The following MYO3B variants were observed in gnomAD, a reference collection of about 807,000 sequenced individuals.
MYO3B encodes myosin IIIB.
MYO3B carries 156 observed loss-of-function variants against 174.6 expected under a neutral mutation model. The ratio of observed to expected loss-of-function variants is 0.89; its 90% CI spans 0.78 to 1.02. The LOEUF (loss-of-function observed/expected upper bound fraction) is 1.02, where lower values mean the gene tolerates loss of function less well. Ranked by LOEUF, MYO3B falls within the 50% of genes least tolerant of loss-of-function variation. The pLI, the probability that MYO3B is intolerant of heterozygous loss-of-function variation, is 0.00. For missense variants in MYO3B, 1,632 were observed against 1,639.4 expected (o/e 1.00, Z 0.08); for synonymous variants, 563 against 569.1 (o/e 0.99, Z 0.15).
At chr2:170,248,351 T>A (rs1428816363) in intron 7 of MYO3B, among the ~76,000 whole-genome samples, 2 of 152,238 alleles carry the variant, frequency 1.3e-5, no homozygotes, top group African/African-American at 4.8e-5. Context: ...GTGGTTCTGA[T>A]GTCTTCAGGC....
chr2:170,585,427 GA>G (rs1034175858), intron 32 of MYO3B, among the ~76,000 whole-genome samples: 2 of 150,792 alleles, frequency 1.3e-5, no homozygotes, highest in East Asian at 3.9e-4. Flanking sequence ...GCTTCAGACA[GA>G]AAAAAAAAGC....
intron 8 of MYO3B, among the ~76,000 whole-genome samples, chr2:170,360,870 A>G (rs2094155506): frequency 6.6e-6 from 1 of 152,194 alleles, no homozygotes; most frequent in Non-Finnish European, 1.5e-5. Flanking sequence ...TCACCAGACA[A>G]CTGAACCTGC....
At chr2:170,420,523 C>T (rs2094607746) in intron 22 of MYO3B, among the ~76,000 whole-genome samples, 2 of 152,166 alleles carry the variant, frequency 1.3e-5, no homozygotes, top group South Asian at 2.1e-4. Flanking sequence ...CTTCCAGCAC[C>T]AGCCTGGAGT....
chr2:170,594,858 C>A (rs1694045524), intron 32 of MYO3B, among the ~76,000 whole-genome samples: 1 of 149,756 alleles, frequency 6.7e-6, no homozygotes. Context: ...CACACACACA[C>A]TTGTTGCTAT....
chr2:170,237,423 G>A (rs1367434789), intron 7 of MYO3B, among the ~76,000 whole-genome samples: 1 of 151,702 alleles, frequency 6.6e-6, no homozygotes, highest in Admixed American at 6.6e-5. Flanking sequence ...CTTTTGATAA[G>A]AGATCATCTA....
chr2:170,583,101 C>T (rs1286646474), intron 32 of MYO3B, among the ~76,000 whole-genome samples: 1 of 151,448 alleles, frequency 6.6e-6, no homozygotes, highest in African/African-American at 2.4e-5. Context: ...CCTCCACCCC[C>T]TCCCCCTTGA....
At chr2:170,190,840 C>T (rs942931215) in intron 1 of MYO3B, among the ~76,000 whole-genome samples, 7 of 152,010 alleles carry the variant, frequency 4.6e-5, no homozygotes, top group African/African-American at 1.7e-4. Context: ...TGGTGCTCTA[C>T]CCTACTGTGG....
rs1255020146 is a variant in MYO3B at position 170,402,703 on chromosome 2, C to T, written c.2130-145C>T. Reference sequence around the variant, plus strand: ...AAATAGTTTGAGACATAAACTGCTTCTTTTCTTAGGGGTGGCAGGATGCTG... The same window carrying T: ...AAATAGTTTGAGACATAAACTGCTTTTTTTCTTAGGGGTGGCAGGATGCTG... On this transcript the variant is annotated intron_variant, in intron 18 of 34. Transcript: ENST00000408978. 3 of 570,966 alleles carry T rather than the reference C, an allele frequency of 5.3e-6. No individual in the cohort carries two copies. In the South Asian group the frequency reaches 1.8e-4, roughly 35 times the overall value. The allele number at this position is 570,966 out of a possible 1,614,324, so 35.4% of individuals were successfully genotyped here.
intron 32 of MYO3B, among the ~76,000 whole-genome samples, chr2:170,614,221 T>C (rs182324695): frequency 6.6e-6 from 1 of 152,274 alleles, no homozygotes; most frequent in East Asian, 1.9e-4. Context: ...TGATTTATTT[T>C]TTTCTGCAAA....
intron 6 of MYO3B, among the ~76,000 whole-genome samples, chr2:170,227,740 G>GA (rs1398596810): frequency 5.3e-5 from 8 of 152,190 alleles, no homozygotes; most frequent in Admixed American, 5.2e-4. Flanking sequence ...GTCCAAGTGG[G>GA]AACTTTCAGA....
rs989906612 is a variant in MYO3B at position 170,634,135 on chromosome 2, A to G, written c.3734-17493A>G. Among the ~76,000 whole-genome samples, 6 of 152,304 alleles carry G rather than the reference A, an allele frequency of 3.9e-5. 1 individual carries two copies. In the South Asian group the frequency reaches 1.2e-3, roughly 32 times the overall value. On this transcript the variant is annotated intron_variant, in intron 32 of 34. Coordinates refer to ENST00000408978, the MANE Select transcript of MYO3B (RefSeq NM_138995.5). ...AAAACTACTTTAAAGTTCATATGGA[A>G]ACAAAAAAGAGCCCACATTGCCAAG...
At chr2:170,226,269 T>C (rs1053968170) in intron 6 of MYO3B, among the ~76,000 whole-genome samples, 63 of 152,234 alleles carry the variant, frequency 4.1e-4, no homozygotes, top group African/African-American at 1.3e-3. Flanking sequence ...CTTCAGATCA[T>C]TGGCTGAAAG....
At chr2:170,537,316 T>G (rs1434382155) in intron 30 of MYO3B, among the ~76,000 whole-genome samples, 1 of 151,458 alleles carries the variant, frequency 6.6e-6, no homozygotes, top group Non-Finnish European at 1.5e-5. Context: ...ACCACTGTAC[T>G]CCATCCTGGG....
intron 26 of MYO3B, among the ~76,000 whole-genome samples, chr2:170,499,132 G>A (rs184784205): frequency 1.2e-4 from 19 of 152,278 alleles, no homozygotes; most frequent in Admixed American, 2.6e-4. Context: ...TTGGGAGAAC[G>A]TCACGTCCCC....
chr2:170,443,909 C>T, intron 22 of MYO3B, 58 bp from the exon 23 acceptor site: 1 of 1,433,838 alleles, frequency 7.0e-7, no homozygotes, highest in Non-Finnish European at 9.7e-7. Context: ...AAAAATTACT[C>T]ATGATCCTAT....
intron 6 of MYO3B, among the ~76,000 whole-genome samples, chr2:170,226,468 C>T (rs7578306): frequency 1.3e-5 from 2 of 152,072 alleles, no homozygotes; most frequent in Non-Finnish European, 2.9e-5. Context: ...ACAACCCAGA[C>T]GCTCAGTGTT....
At position 170,403,841 on chromosome 2, in the gene MYO3B, A is replaced by G. The variant is rs573384268; in HGVS notation, c.2278-406A>G. Among the ~76,000 whole-genome samples the G allele has an allele frequency of 2.8e-3, 429 of 152,260 alleles. 3 individuals are homozygous for G. The highest frequency in any genetic ancestry group is 1.0e-2 in the African/African-American group (414 of 41,544). On this transcript the variant is annotated intron_variant, in intron 19 of 34. Coordinates refer to ENST00000408978, the MANE Select transcript of MYO3B (RefSeq NM_138995.5). ...AGGTTCCTTCCATTTATTTCCCGGT[A>G]ATCTGGAGTTTTTCTAGTTTTCCAA... is the stretch of plus-strand genomic sequence containing the variant.
intron 22 of MYO3B, among the ~76,000 whole-genome samples, chr2:170,438,490 T>C (rs1001650941): frequency 6.6e-6 from 1 of 152,208 alleles, no homozygotes; most frequent in Non-Finnish European, 1.5e-5. Flanking sequence ...TTTTAATTTT[T>C]TGAGGAAACT....
intron 3 of MYO3B, among the ~76,000 whole-genome samples, chr2:170,209,061 G>A (rs533792739): frequency 1.6e-4 from 24 of 152,270 alleles, no homozygotes; most frequent in African/African-American, 5.1e-4. Context: ...CGTAGATAAG[G>A]CCAGTTTTCC....
Sources: allele counts gnomAD v4.1 joint callset (sites outside exome capture counted in the v4.1 genomes callset), GRCh38; gene constraint gnomAD v4.1.1; transcripts MANE v1.5; gene names NCBI Gene and HGNC (gene_info 2026-07-23, HGNC 2026-07-21).